Variants in SDK2 observed in about 807,000 individuals in gnomAD.
The protein encoded by SDK2 is protein sidekick-2.
SDK2 carries 105 observed loss-of-function variants against 253.9 expected under a neutral mutation model. That is an observed-to-expected ratio of 0.41 (90% confidence interval 0.35 to 0.49). The LOEUF is 0.49. Ranked by LOEUF, SDK2 falls within the 20% of genes least tolerant of loss-of-function variation. SDK2 has a pLI of 0.06. For synonymous variants in SDK2, 1,249 were observed against 1,234.9 expected (o/e 1.01, Z -0.24); for missense variants, 2,608 against 3,003.0 (o/e 0.87, Z 3.07).
At chr17:73,369,795 G>A (rs1022390042) in intron 36 of SDK2, among the ~76,000 whole-genome samples, 18 of 152,070 alleles carry the variant, frequency 1.2e-4, no homozygotes, top group African/African-American at 3.9e-4. Flanking sequence ...ACAGGCACCC[G>A]CCACCACGCC....
intron 36 of SDK2, among the ~76,000 whole-genome samples, chr17:73,376,505 C>T (rs545463313): frequency 5.9e-5 from 9 of 152,206 alleles, no homozygotes; most frequent in African/African-American, 1.9e-4. Context: ...GATGTTCGTG[C>T]GTGTTGATGT....
At chr17:73,562,527 G>A (rs928050242) in intron 1 of SDK2, among the ~76,000 whole-genome samples, 7 of 152,108 alleles carry the variant, frequency 4.6e-5, no homozygotes, top group Non-Finnish European at 5.9e-5. Flanking sequence ...GGGAACATGA[G>A]GCCAGGCACT....
chr17:73,402,661 C>T (rs999274619), intron 18 of SDK2, among the ~76,000 whole-genome samples: 4 of 152,160 alleles, frequency 2.6e-5, no homozygotes, highest in East Asian at 1.9e-4. Flanking sequence ...TGGAGTACAG[C>T]GGCATGATCA....
chr17:73,588,098 C>G (rs971251746), intron 1 of SDK2, among the ~76,000 whole-genome samples: 2 of 151,916 alleles, frequency 1.3e-5, no homozygotes, highest in Middle Eastern at 6.8e-3. Context: ...TCTGGCCTGG[C>G]GCGGTGGCTC....
chr17:73,499,859 CTGTGTGTGTGTGTGTGTGTGTGTG>C (rs59872387), intron 2 of SDK2, among the ~76,000 whole-genome samples: 64 of 145,712 alleles, frequency 4.4e-4, no homozygotes, highest in African/African-American at 1.1e-3. Context: ...GCATGGGAAT[CTGTGTGTGTGTGTGTGTGTGTGTG>C]TGTGTGTGTG....
chr17:73,515,303 G>A (rs2064016533), intron 1 of SDK2, among the ~76,000 whole-genome samples: 1 of 152,204 alleles, frequency 6.6e-6, no homozygotes, highest in African/African-American at 2.4e-5. Context: ...CAGGGGTGGT[G>A]AGAGGGACGG....
chr17:73,406,139 G>A (rs557952573), intron 18 of SDK2, among the ~76,000 whole-genome samples: 1 of 151,964 alleles, frequency 6.6e-6, no homozygotes, highest in Non-Finnish European at 1.5e-5. Context: ...AAAAAACTCT[G>A]TGCATGTTTA....
chr17:73,461,692 A>G (rs1287834805), intron 3 of SDK2, among the ~76,000 whole-genome samples: 1 of 152,164 alleles, frequency 6.6e-6, no homozygotes, highest in Non-Finnish European at 1.5e-5. Flanking sequence ...AAAGAATGGA[A>G]GAATAGACAG....
At chr17:73,380,428 T>A (rs1022005717) in intron 34 of SDK2, among the ~76,000 whole-genome samples, 3 of 152,188 alleles carry the variant, frequency 2.0e-5, no homozygotes, top group African/African-American at 7.2e-5. Context: ...AGCAGGAACA[T>A]GTCTGGTGCA....
At chr17:73,625,810 A>G (rs949391076) in intron 1 of SDK2, among the ~76,000 whole-genome samples, 22 of 151,804 alleles carry the variant, frequency 1.4e-4, no homozygotes, top group Non-Finnish European at 2.7e-4. Flanking sequence ...ACACCTGGCT[A>G]ATTTTTGTAT....
intron 1 of SDK2, chr17:73,519,566 C>T (rs869066516): frequency 1.3e-5 from 2 of 151,966 alleles, no homozygotes; most frequent in Non-Finnish European, 2.9e-5. Flanking sequence ...CTGAGCAGCG[C>T]ATGTTTACCC....
chr17:73,504,415 C>T (rs1296522013), intron 2 of SDK2: 1 of 151,646 alleles, frequency 6.6e-6, no homozygotes, highest in African/African-American at 2.4e-5. Context: ...ATCACGAGGT[C>T]AGCAGATCGA....
chr17:73,480,498 G>GT (rs928258231), intron 2 of SDK2, among the ~76,000 whole-genome samples: 4 of 152,212 alleles, frequency 2.6e-5, no homozygotes, highest in Non-Finnish European at 5.9e-5. Flanking sequence ...ATTGTGGAAG[G>GT]AGAGGCTCAG....
chr17:73,390,908 C>T (rs771662979), intron 28 of SDK2, among the ~76,000 whole-genome samples: 1 of 152,170 alleles, frequency 6.6e-6, no homozygotes, highest in Non-Finnish European at 1.5e-5. Context: ...GACTGAGAAC[C>T]CTGGGACAGG....
In SDK2 at chr17:73,383,010, C is replaced by T. The variant is rs191580093; in HGVS notation, c.4705+866G>A. Among the ~76,000 whole-genome samples the T allele has an allele frequency of 4.6e-5, 7 of 152,342 alleles. No homozygotes were observed. In the East Asian group the frequency reaches 1.2e-3, roughly 25 times the overall value. On this transcript the variant is annotated intron_variant, in intron 33 of 44. Transcript: ENST00000392650. The surrounding 1 kb of genome is among the most constrained non-coding windows in gnomAD (Gnocchi z 4.3). ...CACCATTACACTCCAGCCTGGGCAA[C>T]AGAGCGAGACTCTGTCTAAAAAAAC...
intron 10 of SDK2, among the ~76,000 whole-genome samples, chr17:73,433,317 C>G (rs2063342187): frequency 6.6e-6 from 1 of 151,680 alleles, no homozygotes; most frequent in Non-Finnish European, 1.5e-5. Context: ...GAGTCTCGCT[C>G]TGTCTCCCAG....
intron 1 of SDK2, chr17:73,518,691 G>A (rs1446193433): frequency 1.3e-5 from 2 of 152,198 alleles, no homozygotes; most frequent in Non-Finnish European, 2.9e-5. Flanking sequence ...TGGCCTAACG[G>A]TGCTAGTATC....
intron 4 of SDK2, among the ~76,000 whole-genome samples, chr17:73,448,474 C>T (rs1190481498): frequency 1.3e-5 from 2 of 152,078 alleles, no homozygotes; most frequent in South Asian, 2.1e-4. Context: ...AAGCGATTCT[C>T]CTGCCTCAGC....
intron 40 of SDK2, 172 bp downstream of exon 40, chr17:73,357,907 T>C: frequency 2.0e-6 from 2 of 1,013,718 alleles, no homozygotes; most frequent in Non-Finnish European, 3.1e-6. Flanking sequence ...AGTCCAGCTC[T>C]AGGAGCCCCC....
Sources: gnomAD v4.1 joint callset for allele counts (sites outside exome capture counted in the v4.1 genomes callset) on GRCh38, gnomAD v4.1.1 for gene constraint, Gnocchi (gnomAD v3.1) non-coding constraint, MANE v1.5 for transcripts, NCBI Gene and HGNC (gene_info 2026-07-23, HGNC 2026-07-21) for gene names.